LONRF3: variants seen among roughly 807,000 people sequenced by gnomAD.
LONRF3 encodes LON peptidase N-terminal domain and RING finger protein 3.
In LONRF3, 19 loss-of-function variants were observed where a neutral mutation model predicts 51.7. The observed-to-expected ratio is 0.37, with a 90% CI of 0.26 to 0.54. The LOEUF is 0.54. Ranked by LOEUF, LONRF3 falls within the 20% of genes least tolerant of loss-of-function variation. The pLI, the probability that LONRF3 is intolerant of heterozygous loss-of-function variation, is 0.86. For missense variants in LONRF3, 521 were observed against 623.9 expected (o/e 0.84, Z 1.76); for synonymous variants, 265 against 257.8 (o/e 1.03, Z -0.27).
intron 10 of LONRF3, among the ~76,000 whole-genome samples, chrX:119,015,630 G>A (rs1021499525): frequency 2.7e-5 from 3 of 112,022 alleles, no homozygotes; most frequent in Non-Finnish European, 5.6e-5. Context: ...TTCACCTTCC[G>A]GGAAGCGTTC....
At chrX:118,986,858 C>T in intron 3 of LONRF3, 1 of 1,035,654 alleles carries the variant, frequency 9.7e-7, no homozygotes, top group East Asian at 3.3e-5. Context: ...CCCCCCTTCA[C>T]CCTCCTCCCC....
Position 118,982,874 on chromosome X carries a change from A to G in LONRF3, c.990A>G (p.Ala330=), listed in dbSNP as rs1446095714. The G allele has an allele frequency of 1.7e-6, 2 of 1,209,075 alleles. No individual in the cohort carries two copies. The highest frequency in any genetic ancestry group is 2.2e-5 in the Admixed American group (1 of 45,814). The part of the protein sequence containing the change: ...ALATLGKVEE[A]LREFLYCVSL... ...CCACCCTAGGCAAGGTGGAGGAGGCACTAAGGGAGTTTCTCTACTGTGTAT... is the reference window on the plus strand; with the variant it reads ...CCACCCTAGGCAAGGTGGAGGAGGCGCTAAGGGAGTTTCTCTACTGTGTAT... Residue 330 remains alanine, a synonymous_variant, in exon 3 of 11, where the codon GCA becomes GCG. Coordinates refer to ENST00000371628, the MANE Select transcript of LONRF3 (RefSeq NM_001031855.3).
At chrX:118,976,243 G>A (rs1922040599) in intron 1 of LONRF3, 1 of 113,751 alleles carries the variant, frequency 8.8e-6, no homozygotes, top group Admixed American at 9.2e-5. Flanking sequence ...CGAGCGGCCC[G>A]GGTCGGGCGC....
chrX:119,011,369 G>C (rs187387891), intron 7 of LONRF3, among the ~76,000 whole-genome samples: 1 of 111,134 alleles, frequency 9.0e-6, no homozygotes, highest in East Asian at 2.8e-4. Flanking sequence ...ACCTTACAGA[G>C]AATTTCCCAC....
intron 3 of LONRF3, chrX:118,986,860 C>A: frequency 9.5e-7 from 1 of 1,049,517 alleles, no homozygotes; most frequent in East Asian, 3.3e-5. Context: ...CCCCTTCACC[C>A]TCCTCCCCTT....
At chrX:119,002,783 G>A (rs964173271) in intron 5 of LONRF3, among the ~76,000 whole-genome samples, 2 of 110,873 alleles carry the variant, frequency 1.8e-5, no homozygotes, top group African/African-American at 6.6e-5. Context: ...ACTTAAAAGC[G>A]CTTCTTCTTG....
At chrX:118,985,205 C>T (rs1450358093) in intron 3 of LONRF3, among the ~76,000 whole-genome samples, 1 of 112,104 alleles carries the variant, frequency 8.9e-6, no homozygotes, top group Admixed American at 9.5e-5. Context: ...TTCCCACCAC[C>T]CTCTGCCCTT....
chrX:119,003,690 G>A (rs1480711852), intron 5 of LONRF3, among the ~76,000 whole-genome samples: 2 of 112,535 alleles, frequency 1.8e-5, no homozygotes, highest in African/African-American at 6.5e-5. Flanking sequence ...CTCTTCAGAT[G>A]TATCTTGGCT....
At chrX:118,986,060 ACACACACACAC>A (rs1922936491) in intron 3 of LONRF3, among the ~76,000 whole-genome samples, 1 of 14,302 alleles carries the variant, frequency 7.0e-5, no homozygotes, top group Non-Finnish European at 1.7e-4. Flanking sequence ...AAACACACAC[ACACACACACAC>A]ACACACACAC....
chrX:118,983,012 G>C (rs111850652), intron 3 of LONRF3, 69 bp downstream of exon 3: 16 of 1,130,267 alleles, frequency 1.4e-5, no homozygotes, highest in African/African-American at 1.1e-4. Flanking sequence ...CTAGGAAGGG[G>C]AGTGAGGGTG....
At chrX:119,002,834 T>C (rs780255840) in intron 5 of LONRF3, among the ~76,000 whole-genome samples, 1 of 110,924 alleles carries the variant, frequency 9.0e-6, no homozygotes, top group Non-Finnish European at 1.9e-5. Context: ...AGTCTCACTC[T>C]GTTGCCCAGG....
Position 118,989,652 on chromosome X carries a change from C to T in LONRF3, c.1304C>T (p.Pro435Leu). Residue 435 changes from proline to leucine, a missense_variant, in exon 4 of 11, where the codon CCT (proline) becomes CTT (leucine). Transcript: ENST00000371628. ...GAATCCCAAGAAGAAACGGGGATGC[C>T]TAATAAAGCCTCCAAGCAAGGTACT... ...QIESQEETGM[P>L]NKASKQDPPT... The T allele has an allele frequency of 8.3e-7, 1 of 1,209,562 alleles. No homozygotes were observed. Among genetic ancestry groups the T allele is most frequent in the Non-Finnish European group, 1.1e-6 (1 of 894,598 alleles).
chrX:119,014,956 T>C (rs777561547), intron 10 of LONRF3, among the ~76,000 whole-genome samples: 1 of 112,084 alleles, frequency 8.9e-6, no homozygotes, highest in African/African-American at 3.2e-5. Flanking sequence ...ATACTGTTAG[T>C]TGAGTTATAC....
At chrX:118,998,103 A>C (rs1461307241) in intron 5 of LONRF3, among the ~76,000 whole-genome samples, 1 of 112,510 alleles carries the variant, frequency 8.9e-6, no homozygotes, top group Non-Finnish European at 1.9e-5. Context: ...CATTTGATCC[A>C]GCAATCCCAC....
rs1307715851 is a variant in LONRF3 at position 119,004,477 on chromosome X, ATG to A, written c.1416-1643_1416-1642del. Among the ~76,000 whole-genome samples, 9 of 112,680 alleles carry A rather than the reference ATG, an allele frequency of 8.0e-5. No individual in the cohort carries two copies. The East Asian group carries it at 2.5e-3, about 31-fold the overall frequency. On this transcript the variant is annotated intron_variant, in intron 5 of 10. Coordinates refer to ENST00000371628, the MANE Select transcript of LONRF3 (RefSeq NM_001031855.3). ...GAAGACCAATACAGTAAGTTTGCCT[ATG>A]CAGAGATTAATGGGATTGTGTAACA...
At position 118,989,660 on chromosome X, in the gene LONRF3, G is replaced by T; in HGVS notation, c.1312G>T (p.Ala438Ser). The T allele has an allele frequency of 8.3e-7, 1 of 1,209,522 alleles. No individual in the cohort carries two copies. The change falls in exon 4 of 11, where the codon GCC (alanine) becomes TCC (serine). Residue 438 changes from alanine (A) to serine (S), a missense_variant. Around this residue, in one of 2 missense-constraint regions of LONRF3, gnomAD observed 376 missense variants for 376.7 expected, o/e 1.00. Transcript: ENST00000371628. ...AGAAGAAACGGGGATGCCTAATAAA[G>T]CCTCCAAGCAAGGTACTGGCTCTAC... ...SQEETGMPNK[A>S]SKQDPPTDQG...
Position 118,975,494 on chromosome X carries a change from A to G in LONRF3, c.714A>G (p.Pro238=). 8.3e-7 allele frequency: 1 copy of G among 1,203,517 alleles called. No homozygotes were observed. The highest frequency in any genetic ancestry group is 1.1e-6 in the Non-Finnish European group (1 of 892,243). ...GCGGCCTCCTCGGCAAGTTGTTTCCAGGCCCAGCGCGAGCGTCGCAACTCC... is the reference window on the plus strand; with the variant it reads ...GCGGCCTCCTCGGCAAGTTGTTTCCGGGCCCAGCGCGAGCGTCGCAACTCC... ...VLSGLLGKLF[P]GPARASQLRH... Residue 238 remains proline, a synonymous_variant, in exon 1 of 11, where the codon CCA becomes CCG. Transcript: ENST00000371628.
At chrX:119,000,077 T>G (rs1924165677) in intron 5 of LONRF3, among the ~76,000 whole-genome samples, 1 of 112,203 alleles carries the variant, frequency 8.9e-6, no homozygotes, top group Admixed American at 9.5e-5. Context: ...GACAAAGCTT[T>G]TGATTCCACC....
chrX:119,001,126 C>T (rs1051322154), intron 5 of LONRF3, among the ~76,000 whole-genome samples: 3 of 111,417 alleles, frequency 2.7e-5, no homozygotes, highest in African/African-American at 9.8e-5. Context: ...TTATAAATAC[C>T]TCTTGGATGT....
Sources: gnomAD v4.1 joint callset for allele counts (sites outside exome capture counted in the v4.1 genomes callset) on GRCh38, gnomAD v4.1.1 for gene constraint, gnomAD v4.1.1 regional missense constraint, MANE v1.5 for transcripts, NCBI Gene and HGNC (gene_info 2026-07-23, HGNC 2026-07-21) for gene names.